The following CACNA1B variants were observed in gnomAD, a reference collection of about 807,000 sequenced individuals.
CACNA1B encodes calcium voltage-gated channel subunit alpha1 B, also known as voltage-dependent N-type calcium channel subunit alpha-1B.
Under a neutral mutation model 247.2 loss-of-function variants are expected in CACNA1B, and 70 were observed. The observed-to-expected ratio is 0.28, with a 90% CI of 0.23 to 0.35. CACNA1B has a LOEUF of 0.35. CACNA1B is among the 10% of genes least tolerant of loss of function. The pLI is 1.00. For missense variants in CACNA1B, 2,367 were observed against 3,197.4 expected (o/e 0.74, Z 6.26); for synonymous variants, 1,231 against 1,294.4 (o/e 0.95, Z 1.05).
chr9:137,952,338 CCTT>C lies in CACNA1B; in HGVS notation c.1036_1038del (p.Phe346del). On this transcript the variant is annotated inframe_deletion, in exon 7 of 47. Coordinates refer to ENST00000371372, the MANE Select transcript of CACNA1B (RefSeq NM_000718.4). This position sits in a 1 kb window ranked among gnomAD's most constrained non-coding sequence, Gnocchi z 4.8. ...TTCATCCCTCTCATCATCATCGGCT[CCTT>C]CTTCATGCTCAACCTGGTGCTGGGC... The C allele has an allele frequency of 6.2e-7, 1 of 1,613,714 alleles. No homozygotes were observed. The highest frequency in any genetic ancestry group is 8.5e-7 in the Non-Finnish European group (1 of 1,179,764).
chr9:138,101,206 C>T, intron 37 of CACNA1B: 1 of 527,892 alleles, frequency 1.9e-6, no homozygotes. Flanking sequence ...ACAAGGTTTG[C>T]AACTTCAGAG....
chr9:137,938,476 C>T (rs1237013588), intron 6 of CACNA1B, among the ~76,000 whole-genome samples: 1 of 152,054 alleles, frequency 6.6e-6, no homozygotes, highest in East Asian at 1.9e-4. Flanking sequence ...TGGTGGAATG[C>T]ATAAGGATTC....
chr9:137,923,247 G>T (rs555092236), intron 6 of CACNA1B, among the ~76,000 whole-genome samples: 29 of 148,532 alleles, frequency 2.0e-4, no homozygotes, highest in Middle Eastern at 7.2e-3. Context: ...ATGGTGCCAG[G>T]TGGTATTCCG....
At position 137,919,934 on chromosome 9, in the gene CACNA1B, G is replaced by A. The variant is rs144864723; in HGVS notation, c.966+2503G>A. Among the ~76,000 whole-genome samples, 5 of 152,322 alleles carry A rather than the reference G, an allele frequency of 3.3e-5. No homozygotes were observed. Among genetic ancestry groups the A allele is most frequent in the South Asian group, 2.1e-4 (1 of 4,830 alleles). On this transcript the variant is annotated intron_variant, in intron 6 of 46. Coordinates refer to ENST00000371372, the MANE Select transcript of CACNA1B (RefSeq NM_000718.4). This position sits in a 1 kb window ranked among gnomAD's most constrained non-coding sequence, Gnocchi z 4.6. Reference sequence around the variant, plus strand: ...CAAATGGAGCTTTGGGAGAACACACGGATGAGCCTGGGGAGAGACGAGTCG... The same window carrying A: ...CAAATGGAGCTTTGGGAGAACACACAGATGAGCCTGGGGAGAGACGAGTCG...
chr9:137,936,047 C>T (rs1050259727), intron 6 of CACNA1B, among the ~76,000 whole-genome samples: 47 of 152,278 alleles, frequency 3.1e-4, no homozygotes, highest in Admixed American at 1.9e-3. Flanking sequence ...TTAGTAGAGA[C>T]GGGGTTTCAC....
In CACNA1B at chr9:137,925,297, A is replaced by G. The variant is rs75872118; in HGVS notation, c.966+7866A>G. ...ATAGGGGGAGGCAACTGGCCATGCT[A>G]GGGAATAGGGTGTGGGTCCCTTTAA... is the stretch of plus-strand genomic sequence containing the variant. On this transcript the variant is annotated intron_variant, in intron 6 of 46. Transcript: ENST00000371372. 2.8e-3 allele frequency among the ~76,000 whole-genome samples: 428 copies of G among 152,334 alleles called. 6 individuals carry two copies. In the East Asian group the frequency reaches 0.043, roughly 15 times the overall value.
Position 137,913,156 on chromosome 9 carries a change from C to A in CACNA1B, c.531-24C>A. 6.2e-7 allele frequency: 1 copy of A among 1,600,380 alleles called. No homozygotes were observed. The highest frequency in any genetic ancestry group is 8.6e-7 in the Non-Finnish European group (1 of 1,167,996). On this transcript the variant is annotated intron_variant, in intron 3 of 46. Transcript: ENST00000371372. The surrounding 1 kb of genome is among the most constrained non-coding windows in gnomAD (Gnocchi z 5.2). ...GGCTCAATGTGGAAACCTTTACTTC[C>A]CTTCTTCTCCTTGTTTCTGCCAGGA...
intron 16 of CACNA1B, among the ~76,000 whole-genome samples, chr9:138,009,571 T>C (rs1958698436): frequency 6.6e-6 from 1 of 152,064 alleles, no homozygotes; most frequent in South Asian, 2.1e-4. Flanking sequence ...CTGGAGCCTG[T>C]GGAGTAGGAG....
intron 12 of CACNA1B, among the ~76,000 whole-genome samples, chr9:137,981,675 C>T (rs1337028533): frequency 6.6e-6 from 1 of 152,182 alleles, no homozygotes; most frequent in Non-Finnish European, 1.5e-5. Flanking sequence ...GATGGGGTTT[C>T]ACCATGTTGG....
chr9:137,966,957 G>T (rs1181687240), intron 10 of CACNA1B, among the ~76,000 whole-genome samples: 1 of 147,982 alleles, frequency 6.8e-6, no homozygotes, highest in Admixed American at 6.7e-5. Context: ...GCCTGGCTTG[G>T]TGGTTTTGCT....
At chr9:138,064,330 C>G (rs2133517818) in intron 31 of CACNA1B, among the ~76,000 whole-genome samples, 1 of 152,270 alleles carries the variant, frequency 6.6e-6, no homozygotes, top group African/African-American at 2.4e-5. Flanking sequence ...TGGCTGCTGT[C>G]TGGACTCCTT....
At chr9:138,060,849 C>G (rs1959694455) in intron 31 of CACNA1B, among the ~76,000 whole-genome samples, 2 of 152,228 alleles carry the variant, frequency 1.3e-5, no homozygotes, top group South Asian at 2.1e-4. Context: ...CCAAGCAGAG[C>G]TGGTGTTCAT....
chr9:137,939,591 A>G (rs1957707809), intron 6 of CACNA1B, among the ~76,000 whole-genome samples: 1 of 151,944 alleles, frequency 6.6e-6, no homozygotes, highest in African/African-American at 2.4e-5. Context: ...CGAGGTCAGG[A>G]GATCGAGACC....
Position 138,120,045 on chromosome 9 carries a change from A to C in CACNA1B, c.6031-120A>C, listed in dbSNP as rs578172939. On this transcript the variant is annotated intron_variant, in intron 44 of 46. Transcript: ENST00000371372. The stretch of plus-strand genomic sequence containing the variant: ...TCAGGCCTGGGTCCTTCTGACTGTG[A>C]GACCAGGATGGGGGGCGTGTGGGCC... 766 of 841,870 alleles carry C rather than the reference A, an allele frequency of 9.1e-4. 12 individuals are homozygous for C. The East Asian group carries it at 0.02, about 22-fold the overall frequency. The allele number at this position is 841,870 out of a possible 1,614,324, so 52.2% of individuals were successfully genotyped here. A position where few individuals can be genotyped will look rare whatever the true frequency, so the allele number is the denominator to read the frequency against.
Position 138,023,237 on chromosome 9 carries a change from G to T in CACNA1B, c.2494G>T (p.Gly832Cys). ...GRDGARGPVG[G>C]KARPEAAEAP... ...CGACGGCGCGCGGGGGCCCGTGGGA[G>T]GCAAAGCCCGACCTGAGGCTGCGGA... Residue 832 changes from glycine (G) to cysteine (C), a missense_variant, in exon 19 of 47, where the codon GGC (glycine) becomes TGC (cysteine). Coordinates refer to ENST00000371372, the MANE Select transcript of CACNA1B (RefSeq NM_000718.4). The T allele has an allele frequency of 6.6e-7, 1 of 1,513,470 alleles. No individual in the cohort carries two copies. Among genetic ancestry groups the T allele is most frequent in the Non-Finnish European group, 8.8e-7 (1 of 1,139,220 alleles). The allele number at this position is 1,513,470 out of a possible 1,614,324, so 93.8% of individuals were successfully genotyped here.
chr9:137,900,554 CTG>C (rs1176061036), intron 3 of CACNA1B, among the ~76,000 whole-genome samples: 2 of 147,622 alleles, frequency 1.4e-5, no homozygotes, highest in African/African-American at 5.0e-5. Flanking sequence ...CTGTGTGTCT[CTG>C]TGTCTGTCTA....
At chr9:138,078,055 C>A (rs1960387788) in intron 35 of CACNA1B, 59 bp from the exon 36 acceptor site, 3 of 1,545,606 alleles carry the variant, frequency 1.9e-6, no homozygotes, top group Non-Finnish European at 2.7e-6. Context: ...GGTAGCCCCA[C>A]AGGGCTCGGG....
rs200075157 is a variant in CACNA1B at position 138,057,774 on chromosome 9, G to A, written c.4011G>A (p.Gln1337=). 29 of 1,612,808 alleles carry A rather than the reference G, an allele frequency of 1.8e-5. No homozygotes were observed. The highest frequency in any genetic ancestry group is 2.4e-5 in the Non-Finnish European group (28 of 1,179,254). ...LDYEKEEVEA[Q]PRQWKKYDFH... ...ATGAGAAGGAGGAAGTGGAAGCTCA[G>A]CCCAGGCAGTGGAAGAAATACGACT... is the stretch of plus-strand genomic sequence containing the variant. Residue 1337 remains glutamine (Q), a synonymous_variant, in exon 27 of 47, where the codon CAG becomes CAA. Coordinates refer to ENST00000371372, the MANE Select transcript of CACNA1B (RefSeq NM_000718.4). This position sits in a 1 kb window ranked among gnomAD's most constrained non-coding sequence, Gnocchi z 4.0.
intron 36 of CACNA1B, among the ~76,000 whole-genome samples, chr9:138,096,020 C>T (rs896124093): frequency 1.3e-5 from 2 of 152,068 alleles, no homozygotes; most frequent in African/African-American, 4.8e-5. Flanking sequence ...AGTTTTGAAA[C>T]GAGAGAGATG....
Sources: gnomAD v4.1 joint callset for allele counts (sites outside exome capture counted in the v4.1 genomes callset) on GRCh38, gnomAD v4.1.1 for gene constraint, Gnocchi (gnomAD v3.1) non-coding constraint, MANE v1.5 for transcripts, NCBI Gene and HGNC (gene_info 2026-07-23, HGNC 2026-07-21) for gene names.